Variants in MTSS1 observed in about 807,000 individuals in gnomAD.
MTSS1 encodes MTSS I-BAR domain containing 1.
A neutral mutation model predicts 79.0 loss-of-function variants in MTSS1; 18 were observed. The observed-to-expected ratio is 0.23, with a 90% CI of 0.16 to 0.34. The LOEUF is 0.34. Ranked by LOEUF, MTSS1 falls within the 10% of genes least tolerant of loss-of-function variation. The pLI, the probability that MTSS1 is intolerant of heterozygous loss-of-function variation, is 1.00. For synonymous variants in MTSS1, 341 were observed against 368.6 expected (o/e 0.93, Z 0.86); for missense variants, 815 against 986.2 (o/e 0.83, Z 2.33).
At chr8:124,576,950 C>G (rs1305621774) in intron 6 of MTSS1, among the ~76,000 whole-genome samples, 2 of 152,214 alleles carry the variant, frequency 1.3e-5, no homozygotes, top group African/African-American at 4.8e-5. Context: ...ATACCTCTAC[C>G]CTGCCCCTGA....
At chr8:124,704,248 A>G in intron 1 of MTSS1, 57 bp from the exon 2 acceptor site, 1 of 1,414,190 alleles carries the variant, frequency 7.1e-7, no homozygotes, top group East Asian at 2.3e-5. Context: ...TGATTACTAC[A>G]TTAACAGAGC....
rs571293735 is a variant in MTSS1 at position 124,578,932 on chromosome 8, A to G, written c.460+6155T>C. Reference sequence around the variant, plus strand: ...TAAAGAATTATTTTTTTCTCTCTGTATAAATATTTTAAACATTTATGAGAG... The same window carrying G: ...TAAAGAATTATTTTTTTCTCTCTGTGTAAATATTTTAAACATTTATGAGAG... On this transcript the variant is annotated intron_variant, in intron 6 of 13. Transcript: ENST00000518547. Among the ~76,000 whole-genome samples the G allele has an allele frequency of 5.9e-5, 9 of 152,260 alleles. No homozygotes were observed. In the East Asian group the frequency reaches 1.7e-3, roughly 29 times the overall value.
At chr8:124,650,398 T>C (rs1563932284) in intron 3 of MTSS1, among the ~76,000 whole-genome samples, 1 of 152,142 alleles carries the variant, frequency 6.6e-6, no homozygotes, top group African/African-American at 2.4e-5. Flanking sequence ...CACCCACATA[T>C]GCTAGGTGTG....
intron 2 of MTSS1, among the ~76,000 whole-genome samples, chr8:124,700,116 G>A (rs933220149): frequency 6.6e-6 from 1 of 150,852 alleles, no homozygotes; most frequent in African/African-American, 2.4e-5. Context: ...TCCAGCCTAG[G>A]TGACAGAGCA....
At chr8:124,709,935 C>T (rs1830921987) in intron 1 of MTSS1, among the ~76,000 whole-genome samples, 1 of 152,238 alleles carries the variant, frequency 6.6e-6, no homozygotes, top group African/African-American at 2.4e-5. Flanking sequence ...TTTAGCTGCA[C>T]CTACTCCCCA....
chr8:124,648,284 A>AT (rs796102261), intron 3 of MTSS1, among the ~76,000 whole-genome samples: 14 of 149,292 alleles, frequency 9.4e-5, no homozygotes, highest in South Asian at 2.1e-4. Context: ...GTGTTTTTGA[A>AT]TTTTTTTTTT....
At position 124,581,287 on chromosome 8, in the gene MTSS1, C is replaced by CAA. The variant is rs10616707; in HGVS notation, c.460+3798_460+3799dup. Among the ~76,000 whole-genome samples the CAA allele has an allele frequency of 6.4e-3, 649 of 100,882 alleles. 4 individuals are homozygous for CAA. Among genetic ancestry groups the CAA allele is most frequent in the Middle Eastern group, 0.015 (3 of 194 alleles). The allele number at this position is 100,882 out of a possible 152,430, so 66.2% of individuals were successfully genotyped here. ...TAGGCCACCTAGTGAGATGCTGACT[C>CAA]AAAAAAAAAAAAAAAAAAAATCAAG... On this transcript the variant is annotated intron_variant, in intron 6 of 13. Transcript: ENST00000518547.
At chr8:124,628,306 C>T (rs550077563) in intron 3 of MTSS1, among the ~76,000 whole-genome samples, 8 of 152,132 alleles carry the variant, frequency 5.3e-5, no homozygotes, top group East Asian at 1.9e-4. Context: ...ACATCAGCCG[C>T]GTCAGTCTTA....
intron 3 of MTSS1, among the ~76,000 whole-genome samples, chr8:124,634,179 C>T (rs1816555324): frequency 6.6e-6 from 1 of 151,326 alleles, no homozygotes; most frequent in East Asian, 1.9e-4. Flanking sequence ...GTAATCATGG[C>T]TGTCACTGCA....
At chr8:124,646,871 A>G (rs972419097) in intron 3 of MTSS1, among the ~76,000 whole-genome samples, 14 of 151,822 alleles carry the variant, frequency 9.2e-5, no homozygotes, top group Non-Finnish European at 1.6e-4. Flanking sequence ...AGGCTGGAGT[A>G]CACTGGCTCT....
chr8:124,655,164 G>C (rs1243824600), intron 3 of MTSS1, among the ~76,000 whole-genome samples: 1 of 152,216 alleles, frequency 6.6e-6, no homozygotes, highest in East Asian at 1.9e-4. Context: ...TGCAACTGCT[G>C]TCGGGGCTCA....
At chr8:124,580,866 A>G (rs1829917046) in intron 6 of MTSS1, among the ~76,000 whole-genome samples, 2 of 152,234 alleles carry the variant, frequency 1.3e-5, no homozygotes, top group African/African-American at 4.8e-5. Flanking sequence ...ATATACCCAG[A>G]AGAAGCCAAG....
intron 3 of MTSS1, among the ~76,000 whole-genome samples, chr8:124,630,641 ACACTACT>A (rs1425074175): frequency 2.1e-4 from 32 of 152,228 alleles, no homozygotes; most frequent in African/African-American, 7.5e-4. Flanking sequence ...AGCCCCAGCC[ACACTACT>A]CACTTTCTAT....
intron 1 of MTSS1, among the ~76,000 whole-genome samples, chr8:124,709,125 G>A (rs11781525): frequency 0.03 from 4,627 of 152,194 alleles, 117 homozygotes; most frequent in Non-Finnish European, 0.044. Context: ...AGATTGAAAG[G>A]CAGCAGAGAA....
intron 6 of MTSS1, chr8:124,580,436 G>T: frequency 1.7e-6 from 2 of 1,154,378 alleles, no homozygotes; most frequent in Non-Finnish European, 2.5e-6. Context: ...ACAGTTGATT[G>T]TTTTGAGCTG....
At chr8:124,565,810 TAGCCATCAAAGCTTAAC>T in intron 8 of MTSS1, 51 bp from the exon 9 acceptor site, 2 of 1,446,742 alleles carry the variant, frequency 1.4e-6, no homozygotes, top group Non-Finnish European at 1.9e-6. Context: ...GGGGAAGCGT[TAGCCATCAAAGCTTAAC>T]ATCCACCAAA....
At chr8:124,660,928 C>A (rs1347857208) in intron 3 of MTSS1, among the ~76,000 whole-genome samples, 1 of 152,224 alleles carries the variant, frequency 6.6e-6, no homozygotes, top group Non-Finnish European at 1.5e-5. Flanking sequence ...CACATACACA[C>A]CCTCCCACGC....
chr8:124,609,583 T>TG (rs1220781594), intron 3 of MTSS1, among the ~76,000 whole-genome samples: 2 of 152,006 alleles, frequency 1.3e-5, no homozygotes, highest in Non-Finnish European at 2.9e-5. Context: ...GCAAATAGGA[T>TG]GGGATGCCTT....
chr8:124,567,717 G>A (rs540936168), intron 7 of MTSS1: 2 of 1,508,018 alleles, frequency 1.3e-6, no homozygotes, highest in South Asian at 1.2e-5. Flanking sequence ...CTTTATCGAA[G>A]TGCCAAGTTG....
Sources: gnomAD v4.1 joint callset for allele counts (sites outside exome capture counted in the v4.1 genomes callset) on GRCh38, gnomAD v4.1.1 for gene constraint, MANE v1.5 for transcripts, NCBI Gene and HGNC (gene_info 2026-07-23, HGNC 2026-07-21) for gene names.